The following ADCY8 variants were observed in gnomAD, a reference collection of about 807,000 sequenced individuals.
ADCY8 encodes adenylate cyclase 8, also known as adenylate cyclase type 8.
Under a neutral mutation model 119.7 loss-of-function variants are expected in ADCY8, and 51 were observed. That is an observed-to-expected ratio of 0.43 (90% CI 0.34 to 0.54). The LOEUF (loss-of-function observed/expected upper bound fraction) is 0.54. ADCY8 is among the 20% of genes least tolerant of loss of function. The probability of loss-of-function intolerance (pLI) is 0.03; values close to 1 mark genes in which losing one functional copy is unlikely to be tolerated. For missense variants in ADCY8, 1,383 were observed against 1,598.8 expected (o/e 0.87, Z 2.30); for synonymous variants, 665 against 651.0 (o/e 1.02, Z -0.33).
chr8:130,794,827 G>A (rs1815529688), intron 15 of ADCY8, among the ~76,000 whole-genome samples: 1 of 152,176 alleles, frequency 6.6e-6, no homozygotes, highest in Non-Finnish European at 1.5e-5. Flanking sequence ...TTTGTAGATG[G>A]GAAAACTGAG....
chr8:130,824,392 A>C (rs1219702893), intron 12 of ADCY8, among the ~76,000 whole-genome samples: 1 of 152,192 alleles, frequency 6.6e-6, no homozygotes, highest in Non-Finnish European at 1.5e-5. Context: ...AATTTAACTT[A>C]ATTAGCTAGC....
At chr8:130,947,695 A>G (rs377430763) in intron 3 of ADCY8, among the ~76,000 whole-genome samples, 2 of 152,224 alleles carry the variant, frequency 1.3e-5, no homozygotes, top group Non-Finnish European at 2.9e-5. Context: ...ACAATTGGTC[A>G]CTAAAATATC....
chr8:130,789,671 C>T (rs2664388), intron 15 of ADCY8, among the ~76,000 whole-genome samples: 146,073 of 152,298 alleles, frequency 0.96, 70,109 homozygotes, highest in African/African-American at 0.99. Flanking sequence ...CACAGAGGGG[C>T]TGACGGAATT....
At chr8:130,994,562 A>G (rs1447836496) in intron 1 of ADCY8, among the ~76,000 whole-genome samples, 1 of 152,200 alleles carries the variant, frequency 6.6e-6, no homozygotes, top group African/African-American at 2.4e-5. Context: ...AATCCATATT[A>G]TCTTACCATA....
At chr8:130,917,497 CATTCAAAAGCAGG>C (rs1403170479) in intron 5 of ADCY8, among the ~76,000 whole-genome samples, 1 of 152,164 alleles carries the variant, frequency 6.6e-6, no homozygotes, top group Non-Finnish European at 1.5e-5. Flanking sequence ...ACTGCACTCA[CATTCAAAAGCAGG>C]GTGGATCTAG....
Position 130,992,895 on chromosome 8 carries a change from G to A in ADCY8, c.961-2353C>T, listed in dbSNP as rs551630319. Among the ~76,000 whole-genome samples the A allele has an allele frequency of 3.3e-5, 5 of 152,114 alleles. No homozygotes were observed. In the East Asian group the frequency reaches 5.8e-4, roughly 18 times the overall value. ...ATTTTATAAAGATACATATTTACAC[G>A]TTCAATAATCTTAGCAAACCCTACA... On this transcript the variant is annotated intron_variant, in intron 1 of 17. Transcript: ENST00000286355.
At chr8:130,829,986 CT>C (rs1816780917) in intron 12 of ADCY8, among the ~76,000 whole-genome samples, 2 of 152,182 alleles carry the variant, frequency 1.3e-5, no homozygotes, top group South Asian at 4.1e-4. Context: ...GGAGCCCTAG[CT>C]GCTGTTCTTC....
chr8:130,793,055 A>T (rs1039309854), intron 15 of ADCY8, among the ~76,000 whole-genome samples: 8 of 152,154 alleles, frequency 5.3e-5, no homozygotes, highest in Admixed American at 2.0e-4. Context: ...ATGCTGATGC[A>T]GCTGGCTCAC....
intron 15 of ADCY8, among the ~76,000 whole-genome samples, chr8:130,794,310 T>A (rs1394316254): frequency 6.6e-6 from 1 of 152,178 alleles, no homozygotes; most frequent in African/African-American, 2.4e-5. Flanking sequence ...AGTGGTGCGA[T>A]CTCGGCTCAC....
intron 3 of ADCY8, among the ~76,000 whole-genome samples, chr8:130,949,204 G>A (rs1223423107): frequency 6.6e-6 from 1 of 152,102 alleles, no homozygotes; most frequent in Non-Finnish European, 1.5e-5. Flanking sequence ...AGAGTAACGG[G>A]AGCACTGAAG....
intron 1 of ADCY8, among the ~76,000 whole-genome samples, chr8:131,011,928 T>G: frequency 6.6e-6 from 1 of 152,114 alleles, no homozygotes; most frequent in East Asian, 1.9e-4. Flanking sequence ...ACACACTAAA[T>G]CAAAGGCCTC....
intron 5 of ADCY8, among the ~76,000 whole-genome samples, chr8:130,927,756 A>G (rs971196056): frequency 1.3e-5 from 2 of 152,108 alleles, no homozygotes; most frequent in African/African-American, 4.8e-5. Flanking sequence ...AACAGAAACA[A>G]TTTAACTTGT....
chr8:130,904,100 T>TA, intron 6 of ADCY8, 58 bp from the exon 7 acceptor site: 3 of 1,524,004 alleles, frequency 2.0e-6, no homozygotes, highest in Non-Finnish European at 2.7e-6. Flanking sequence ...AAAGGCTATA[T>TA]TTTTTTGACC....
chr8:130,995,109 T>C (rs1443242209), intron 1 of ADCY8, among the ~76,000 whole-genome samples: 2 of 152,190 alleles, frequency 1.3e-5, no homozygotes, highest in East Asian at 1.9e-4. Flanking sequence ...TCTGTAAAAA[T>C]TGACAATATT....
chr8:130,880,089 C>T lies in ADCY8; in HGVS notation c.2109+4475G>A, dbSNP rs571780170. 1.2e-4 allele frequency among the ~76,000 whole-genome samples: 19 copies of T among 152,292 alleles called. No individual in the cohort carries two copies. The South Asian group carries it at 2.7e-3, about 22-fold the overall frequency. On this transcript the variant is annotated intron_variant, in intron 8 of 17. Coordinates refer to ENST00000286355, the MANE Select transcript of ADCY8 (RefSeq NM_001115.3). ...CAGCCACATAAGATGTGACTTGCTCCTCCTTCACCTTCTGCCATGATTGTG... is the reference window on the plus strand; with the variant it reads ...CAGCCACATAAGATGTGACTTGCTCTTCCTTCACCTTCTGCCATGATTGTG...
chr8:130,971,842 G>C (rs1821932413), intron 2 of ADCY8, among the ~76,000 whole-genome samples: 1 of 152,218 alleles, frequency 6.6e-6, no homozygotes, highest in South Asian at 2.1e-4. Flanking sequence ...GCTTCAAATA[G>C]TTGGATGTGG....
Position 130,785,410 on chromosome 8 carries a change from GGCCATGTAGGT to G in ADCY8, c.3115_3125del (p.Thr1039ArgfsTer7). The G allele has an allele frequency of 1.2e-6, 2 of 1,607,840 alleles. No homozygotes were observed. Among genetic ancestry groups the G allele is most frequent in the Non-Finnish European group, 1.7e-6 (2 of 1,176,984 alleles). On this transcript the variant is annotated frameshift_variant, in exon 16 of 18. Transcript: ENST00000286355. LOFTEE classifies it high-confidence loss of function. ...GTTTTTCAGGTGACAGGCCTGACAC[GGCCATGTAGGT>G]GCTGCCAATGGTCTTAATCTTTTCA...
At chr8:130,929,330 T>C (rs1820564121) in intron 5 of ADCY8, among the ~76,000 whole-genome samples, 1 of 152,156 alleles carries the variant, frequency 6.6e-6, no homozygotes, top group African/African-American at 2.4e-5. Flanking sequence ...CCCATAAGTT[T>C]GTTGTTTTCC....
chr8:130,782,325 C>T (rs893921323), intron 17 of ADCY8, among the ~76,000 whole-genome samples: 2 of 152,196 alleles, frequency 1.3e-5, no homozygotes, highest in South Asian at 2.1e-4. Context: ...ATTTGATTCT[C>T]ATATTATTAT....
Sources: allele counts gnomAD v4.1 joint callset (sites outside exome capture counted in the v4.1 genomes callset), GRCh38; gene constraint gnomAD v4.1.1; transcripts MANE v1.5; gene names NCBI Gene and HGNC (gene_info 2026-07-23, HGNC 2026-07-21).